The following CNBD1 variants were observed in gnomAD, a reference collection of about 807,000 sequenced individuals.
CNBD1 encodes the protein cyclic nucleotide binding domain containing 1, also known as cyclic nucleotide-binding domain-containing protein 1.
Under a neutral mutation model 54.4 loss-of-function variants are expected in CNBD1, and 71 were observed. The observed-to-expected ratio is 1.30, with a 90% CI of 1.08 to 1.59. The LOEUF is 1.59. Ranked by LOEUF, CNBD1 falls within the 40% of genes most tolerant of loss-of-function variation. The pLI is 0.00. For synonymous variants in CNBD1, 182 were observed against 170.7 expected (o/e 1.07, Z -0.51); for missense variants, 659 against 518.0 (o/e 1.27, Z -2.64).
intron 2 of CNBD1, among the ~76,000 whole-genome samples, chr8:86,899,521 A>G (rs1278762703): frequency 6.6e-6 from 1 of 152,164 alleles, no homozygotes; most frequent in Non-Finnish European, 1.5e-5. Context: ...TAGTTCTTCA[A>G]GTTTGACTGG....
intron 10 of CNBD1, among the ~76,000 whole-genome samples, chr8:87,365,305 A>T (rs114925066): frequency 0.015 from 2,259 of 151,956 alleles, 56 homozygotes; most frequent in African/African-American, 0.049. Flanking sequence ...TGTGTATGCT[A>T]AAGTATCTGT....
intron 4 of CNBD1, among the ~76,000 whole-genome samples, chr8:87,052,018 G>T (rs868458411): frequency 6.6e-6 from 1 of 152,214 alleles, no homozygotes; most frequent in African/African-American, 2.4e-5. Flanking sequence ...TAGGGTCAAG[G>T]TGGCTTCTTT....
At chr8:86,934,400 G>T (rs1809509004) in intron 3 of CNBD1, among the ~76,000 whole-genome samples, 1 of 151,996 alleles carries the variant, frequency 6.6e-6, no homozygotes, top group Non-Finnish European at 1.5e-5. Context: ...AATATCTGTG[G>T]ATTCTTTTGG....
intron 4 of CNBD1, among the ~76,000 whole-genome samples, chr8:87,188,457 C>T (rs569253885): frequency 2.4e-4 from 36 of 152,180 alleles, no homozygotes; most frequent in South Asian, 1.7e-3. Context: ...AGGCTCGGTG[C>T]GGTGGTTCAC....
At chr8:87,089,827 G>A (rs1357285972) in intron 4 of CNBD1, among the ~76,000 whole-genome samples, 1 of 151,824 alleles carries the variant, frequency 6.6e-6, no homozygotes, top group African/African-American at 2.4e-5. Context: ...AATGCTACTT[G>A]TTCATACAAA....
chr8:87,403,608 T>C (rs1385061742), intron 2 of CNBD1, among the ~76,000 whole-genome samples: 1 of 152,036 alleles, frequency 6.6e-6, no homozygotes, highest in African/African-American at 2.4e-5. Flanking sequence ...AAAATGTGGC[T>C]TAATCTGTAT....
Position 86,878,105 on chromosome 8 carries a change from T to TGTGTGTGA in CNBD1, c.89-9436_89-9435insTGTGTGAG, listed in dbSNP as rs56785226. ...CTGTGTGTGTGTGTGTGTGTGTGTGTGAGAGAGAGAGAGAGAGAGAGAGAG... is the reference window on the plus strand; with the variant it reads ...CTGTGTGTGTGTGTGTGTGTGTGTGTGTGTGTGAGAGAGAGAGAGAGAGAGAGAGAGAG... On this transcript the variant is annotated intron_variant, in intron 1 of 10. Coordinates refer to ENST00000518476, the MANE Select transcript of CNBD1 (RefSeq NM_173538.3). Among the ~76,000 whole-genome samples, 308 of 140,954 alleles carry TGTGTGTGA rather than the reference T, an allele frequency of 2.2e-3. 3 individuals are homozygous for TGTGTGTGA. Among genetic ancestry groups the TGTGTGTGA allele is most frequent in the South Asian group, 9.5e-3 (39 of 4,104 alleles). The allele number at this position is 140,954 out of a possible 152,430, so 92.5% of individuals were successfully genotyped here. A position where few individuals can be genotyped will look rare whatever the true frequency, so the allele number is the denominator to read the frequency against.
chr8:86,996,710 G>A (rs1221477849), intron 4 of CNBD1, among the ~76,000 whole-genome samples: 2 of 152,190 alleles, frequency 1.3e-5, no homozygotes, highest in South Asian at 2.1e-4. Context: ...TACAATGAAA[G>A]CACAATGAGT....
chr8:87,406,625 G>A (rs1301977986), intron 2 of CNBD1, among the ~76,000 whole-genome samples: 7 of 151,964 alleles, frequency 4.6e-5, no homozygotes, highest in Middle Eastern at 3.4e-3. Context: ...GACTACAGGC[G>A]TGTGCCACCA....
chr8:87,105,590 T>C (rs1000560607), intron 4 of CNBD1, among the ~76,000 whole-genome samples: 5 of 152,192 alleles, frequency 3.3e-5, no homozygotes, highest in African/African-American at 1.2e-4. Flanking sequence ...CTCTGTCACC[T>C]GGAAAAGACG....
At chr8:86,894,401 T>C (rs1808820612) in intron 2 of CNBD1, among the ~76,000 whole-genome samples, 1 of 152,210 alleles carries the variant, frequency 6.6e-6, no homozygotes, top group Non-Finnish European at 1.5e-5. Flanking sequence ...TACAAAAAAA[T>C]TGAGTAGAAA....
Position 87,340,885 on chromosome 8 carries a change from G to T in CNBD1, c.1043-10800G>T, listed in dbSNP as rs1293860717. Among the ~76,000 whole-genome samples the T allele has an allele frequency of 3.3e-5, 5 of 151,802 alleles. No homozygotes were observed. In the East Asian group the frequency reaches 5.8e-4, roughly 18 times the overall value. ...TAACTCCTATACCGCCATTTCTTTA[G>T]TGTCAGTTTCTGAAGTTTTATTTAT... is the stretch of plus-strand genomic sequence containing the variant. On this transcript the variant is annotated intron_variant, in intron 8 of 10. Coordinates refer to ENST00000518476, the MANE Select transcript of CNBD1 (RefSeq NM_173538.3).
intron 3 of CNBD1, among the ~76,000 whole-genome samples, chr8:86,921,001 A>G (rs951022869): frequency 5.9e-5 from 9 of 152,160 alleles, no homozygotes; most frequent in African/African-American, 2.2e-4. Flanking sequence ...AAAGATGAAT[A>G]TTTGGAGATG....
At chr8:86,944,448 A>G (rs1807417278) in intron 4 of CNBD1, among the ~76,000 whole-genome samples, 1 of 152,172 alleles carries the variant, frequency 6.6e-6, no homozygotes. Context: ...GGGATAGAGA[A>G]TGATGGAAAT....
rs11996442 is a variant in CNBD1 at position 87,292,022 on chromosome 8, A to G, written c.1042+5351A>G. ...TTTTCTTCCAAAAGAAAATAATTTA[A>G]CTCTTTGCTGCTCAGTACATCTGGG... On this transcript the variant is annotated intron_variant, in intron 8 of 10. Coordinates refer to ENST00000518476, the MANE Select transcript of CNBD1 (RefSeq NM_173538.3). Among the ~76,000 whole-genome samples the G allele has an allele frequency of 8.0e-3, 1,215 of 152,174 alleles. 22 individuals carry two copies. The highest frequency in any genetic ancestry group is 0.024 in the African/African-American group (994 of 41,498).
intron 3 of CNBD1, among the ~76,000 whole-genome samples, chr8:86,908,595 T>C (rs532124249): frequency 4.6e-5 from 7 of 152,308 alleles, no homozygotes; most frequent in Non-Finnish European, 1.0e-4. Context: ...AATGATGTTT[T>C]ATGTACATTA....
At chr8:87,027,622 G>T (rs1016155383) in intron 4 of CNBD1, among the ~76,000 whole-genome samples, 2 of 152,104 alleles carry the variant, frequency 1.3e-5, no homozygotes, top group African/African-American at 2.4e-5. Flanking sequence ...AGACCACTGG[G>T]TCCAAAAAGT....
chr8:87,211,939 A>G lies in CNBD1; in HGVS notation c.577+5801A>G, dbSNP rs190674438. 1.1e-3 allele frequency among the ~76,000 whole-genome samples: 167 copies of G among 152,324 alleles called. 1 individual carries two copies. The highest frequency in any genetic ancestry group is 3.8e-3 in the African/African-American group (160 of 41,564). ...AGGAAGGATAACTTGAAGAAGGATA[A>G]CTAAAATAAATTAATGTATTAAATT... On this transcript the variant is annotated intron_variant, in intron 5 of 10. Coordinates refer to ENST00000518476, the MANE Select transcript of CNBD1 (RefSeq NM_173538.3).
At chr8:87,372,696 TA>T (rs1810838619) in intron 10 of CNBD1, among the ~76,000 whole-genome samples, 1 of 151,914 alleles carries the variant, frequency 6.6e-6, no homozygotes, top group Admixed American at 6.6e-5. Context: ...TGCTCTTACC[TA>T]TCAATGATTA....
Sources: allele counts gnomAD v4.1 joint callset (sites outside exome capture counted in the v4.1 genomes callset), GRCh38; gene constraint gnomAD v4.1.1; transcripts MANE v1.5; gene names NCBI Gene and HGNC (gene_info 2026-07-23, HGNC 2026-07-21).